Variants in FGF12 observed in about 807,000 individuals in gnomAD.
FGF12 encodes the protein fibroblast growth factor 12, also known as fibroblast growth factor 12B.
In FGF12, 14 loss-of-function variants were observed where a neutral mutation model predicts 23.6. The observed-to-expected ratio is 0.59, with a 90% CI of 0.39 to 0.93. FGF12 has a LOEUF of 0.93. FGF12 is among the 40% of genes least tolerant of loss of function. The pLI is 0.00. For synonymous variants in FGF12, 62 were observed against 77.3 expected, an observed-to-expected ratio of 0.80 and a Z score of 1.04; for missense variants, 175 against 217.8, an observed-to-expected ratio of 0.80 and a Z score of 1.24.
chr3:192,153,194 G>T, intron 5 of FGF12, among the ~76,000 whole-genome samples: 1 of 25,254 alleles, frequency 4.0e-5, no homozygotes, highest in Non-Finnish European at 9.5e-5. Flanking sequence ...CTTTTATTTT[G>T]AGCCTATGTG....
intron 2 of FGF12, among the ~76,000 whole-genome samples, chr3:192,713,663 G>A (rs923030148): frequency 1.3e-5 from 2 of 152,120 alleles, no homozygotes; most frequent in African/African-American, 2.4e-5. Context: ...CAAGGCTGTC[G>A]TTGCCATCTG....
intron 2 of FGF12, among the ~76,000 whole-genome samples, chr3:192,543,269 T>C (rs985784304): frequency 6.6e-6 from 1 of 152,168 alleles, no homozygotes; most frequent in African/African-American, 2.4e-5. Context: ...GCACAGAGTT[T>C]CTGCCTGTGG....
At chr3:192,193,945 A>G (rs1716930572) in intron 4 of FGF12, among the ~76,000 whole-genome samples, 1 of 152,168 alleles carries the variant, frequency 6.6e-6, no homozygotes, top group African/African-American at 2.4e-5. Context: ...TACCAAATAT[A>G]CATACTGGGC....
intron 4 of FGF12, among the ~76,000 whole-genome samples, chr3:192,199,326 T>C (rs1321707133): frequency 6.6e-6 from 1 of 152,220 alleles, no homozygotes; most frequent in Admixed American, 6.5e-5. Flanking sequence ...AGTCTTTTTC[T>C]ATTCAACCTC....
intron 2 of FGF12, among the ~76,000 whole-genome samples, chr3:192,468,804 G>A (rs528074079): frequency 4.6e-5 from 7 of 152,198 alleles, no homozygotes; most frequent in Non-Finnish European, 1.0e-4. Flanking sequence ...CCTCCATCAG[G>A]CACATTATCT....
intron 2 of FGF12, among the ~76,000 whole-genome samples, chr3:192,412,824 C>G (rs895453134): frequency 6.6e-6 from 1 of 152,168 alleles, no homozygotes; most frequent in African/African-American, 2.4e-5. Flanking sequence ...ATTTTGGGAT[C>G]AGGAATGAAA....
At chr3:192,727,432 T>G in intron 1 of FGF12, 52 bp downstream of exon 1, 1 of 1,165,136 alleles carries the variant, frequency 8.6e-7, no homozygotes, top group Non-Finnish European at 1.2e-6. Context: ...GCGCATCTGA[T>G]ACTGAAATGC....
intron 2 of FGF12, among the ~76,000 whole-genome samples, chr3:192,637,490 C>T (rs139821864): frequency 4.0e-4 from 61 of 152,314 alleles, no homozygotes; most frequent in African/African-American, 1.4e-3. Context: ...ACCTCTGCCA[C>T]TTACCAAATG....
intron 2 of FGF12, among the ~76,000 whole-genome samples, chr3:192,601,150 C>T (rs1411854990): frequency 1.3e-5 from 2 of 152,054 alleles, no homozygotes; most frequent in African/African-American, 2.4e-5. Flanking sequence ...TTCACAGCAA[C>T]ATGGATGGAA....
intron 3 of FGF12, among the ~76,000 whole-genome samples, chr3:192,359,509 G>C (rs1164524674): frequency 2.6e-5 from 4 of 152,144 alleles, no homozygotes; most frequent in African/African-American, 4.8e-5. Flanking sequence ...TAGCAGTGAA[G>C]ACAGACAAAC....
intron 4 of FGF12, among the ~76,000 whole-genome samples, chr3:192,328,267 T>C (rs1160948760): frequency 1.3e-5 from 2 of 152,202 alleles, no homozygotes; most frequent in African/African-American, 4.8e-5. Context: ...TTCGGCTAAA[T>C]AGAGAATAAC....
rs180866637 is a variant in FGF12, at chr3:192,515,560, G to T, written c.14-155022C>A. ...TCCCCGTCAATCTGGGTGGGGAAGA[G>T]GGTGTGAGATAGAGGATTGGCAGCG... On this transcript the variant is annotated intron_variant, in intron 2 of 5. Transcript: ENST00000445105. 1.5e-3 allele frequency: 222 copies of T among 152,620 alleles called. 1 individual carries two copies. Among genetic ancestry groups the T allele is most frequent in the Non-Finnish European group, 2.3e-3 (159 of 68,294 alleles). The allele number at this position is 152,620 out of a possible 1,614,324, so 9.5% of individuals were successfully genotyped here.
Position 192,144,036 on chromosome 3 carries a change from G to T in FGF12, c.519C>A (p.Gly173=). 1 of 1,611,954 alleles carries T rather than the reference G, an allele frequency of 6.2e-7. No individual in the cohort carries two copies. The highest frequency in any genetic ancestry group is 8.5e-7 in the Non-Finnish European group (1 of 1,178,106). ...ATGTTGAATCTTGATTCACAACTTT[G>T]CCTCCATTCATGGTTGGTGTTCCAG... is the stretch of plus-strand genomic sequence containing the variant. The part of the protein sequence containing the change: ...KSSGTPTMNG[G]KVVNQDST Residue 173 remains glycine (G), a synonymous_variant, in exon 6 of 6, where the codon GGC becomes GGA. Transcript: ENST00000445105.
intron 4 of FGF12, among the ~76,000 whole-genome samples, chr3:192,267,949 T>C (rs1021174064): frequency 6.6e-6 from 1 of 152,202 alleles, no homozygotes; most frequent in Non-Finnish European, 1.5e-5. Context: ...TTCTCTATTC[T>C]ATAAGTTGCT....
At chr3:192,353,366 C>CTTTTTTT (rs34992097) in intron 3 of FGF12, among the ~76,000 whole-genome samples, 7 of 98,408 alleles carry the variant, frequency 7.1e-5, no homozygotes, top group South Asian at 3.9e-4. Flanking sequence ...GAGCAGAAGT[C>CTTTTTTT]TTTTTTTTTT....
At position 192,408,278 on chromosome 3, in the gene FGF12, C is replaced by T; in HGVS notation, c.14-47740G>A. On this transcript the variant is annotated intron_variant, in intron 2 of 5. Transcript: ENST00000445105. This position sits in a 1 kb window ranked among gnomAD's most constrained non-coding sequence, Gnocchi z 7.3. The stretch of plus-strand genomic sequence containing the variant: ...CCTCTACTGCGCCCTCCGGCTTGCG[C>T]TCCGCCGGGGCGAGGGCAGGACCTG... The T allele has an allele frequency of 1.3e-6, 2 of 1,504,688 alleles. No homozygotes were observed. Among genetic ancestry groups the T allele is most frequent in the Non-Finnish European group, 1.8e-6 (2 of 1,132,042 alleles). 93.2% of individuals were successfully genotyped at this position (1,504,688 alleles called of 1,614,324 possible).
chr3:192,287,238 T>C (rs1183120979), intron 4 of FGF12, among the ~76,000 whole-genome samples: 1 of 152,056 alleles, frequency 6.6e-6, no homozygotes, highest in Non-Finnish European at 1.5e-5. Flanking sequence ...TTAGTGTTAC[T>C]TCCTTAACCC....
At chr3:192,722,053 T>G (rs1432481690) in intron 2 of FGF12, among the ~76,000 whole-genome samples, 3 of 152,176 alleles carry the variant, frequency 2.0e-5, no homozygotes, top group African/African-American at 7.2e-5. Context: ...AATAAACTAT[T>G]TATACCTCTG....
intron 2 of FGF12, among the ~76,000 whole-genome samples, chr3:192,647,443 G>T (rs1056944751): frequency 2.0e-5 from 3 of 151,768 alleles, no homozygotes; most frequent in African/African-American, 7.3e-5. Flanking sequence ...GACTGCCAAG[G>T]TAAGATTTAA....
Sources: allele counts gnomAD v4.1 joint callset (sites outside exome capture counted in the v4.1 genomes callset), GRCh38; gene constraint gnomAD v4.1.1; non-coding constraint Gnocchi (gnomAD v3.1); transcripts MANE v1.5; gene names NCBI Gene and HGNC (gene_info 2026-07-23, HGNC 2026-07-21).